Variants in NDUFS4 observed in about 807,000 individuals in gnomAD.
The protein encoded by NDUFS4 is NADH:ubiquinone oxidoreductase subunit S4.
In NDUFS4, 28 loss-of-function variants were observed where a neutral mutation model predicts 24.3. The ratio of observed to expected loss-of-function variants is 1.15; its 90% CI spans 0.85 to 1.58. The LOEUF is 1.58. Among genes scored for constraint, NDUFS4 ranks in the 40% most tolerant of loss-of-function variants. The pLI, the probability that NDUFS4 is intolerant of heterozygous loss-of-function variation, is 0.00. For missense variants in NDUFS4, 223 were observed against 207.9 expected (o/e 1.07, Z -0.45); for synonymous variants, 93 against 69.7 (o/e 1.34, Z -1.67).
In NDUFS4 at chr5:53,682,205, G is replaced by A. The variant is rs149749880; in HGVS notation, c.425-913G>A. Among the ~76,000 whole-genome samples the A allele has an allele frequency of 1.9e-3, 293 of 152,206 alleles. 1 individual carries two copies. Among genetic ancestry groups the A allele is most frequent in the African/African-American group, 6.7e-3 (277 of 41,552 alleles). On this transcript the variant is annotated intron_variant, in intron 4 of 4. Coordinates refer to ENST00000296684, the MANE Select transcript of NDUFS4 (RefSeq NM_002495.4). ...GACTTAATTATATTTTTAAGGAGGA[G>A]GATGTTGATTTGTTTCCCATGTTTT...
chr5:53,618,129 G>A (rs190605758), intron 2 of NDUFS4, among the ~76,000 whole-genome samples: 155 of 152,050 alleles, frequency 1.0e-3, no homozygotes, highest in African/African-American at 2.1e-3. Flanking sequence ...AAAATTAGCC[G>A]AGGGTAGTGG....
At chr5:53,599,303 G>A (rs184381231) in intron 1 of NDUFS4, among the ~76,000 whole-genome samples, 37 of 152,164 alleles carry the variant, frequency 2.4e-4, no homozygotes, top group Non-Finnish European at 4.6e-4. Flanking sequence ...GGAATTGTTG[G>A]ATCATAGGAT....
intron 1 of NDUFS4, among the ~76,000 whole-genome samples, chr5:53,598,526 G>A (rs982430280): frequency 6.6e-6 from 1 of 152,100 alleles, no homozygotes; most frequent in Non-Finnish European, 1.5e-5. Context: ...AAACTTTAGA[G>A]CAACAAGTTC....
chr5:53,669,774 C>G (rs563948053), intron 4 of NDUFS4, among the ~76,000 whole-genome samples: 22 of 152,164 alleles, frequency 1.4e-4, no homozygotes, highest in African/African-American at 5.1e-4. Context: ...GAAGACAAGT[C>G]CTATTTATCT....
chr5:53,588,288 T>G (rs1204073381), intron 1 of NDUFS4, among the ~76,000 whole-genome samples: 1 of 152,224 alleles, frequency 6.6e-6, no homozygotes, highest in African/African-American at 2.4e-5. Flanking sequence ...TGGGGTTCTC[T>G]TTCCTCTCTT....
intron 2 of NDUFS4, among the ~76,000 whole-genome samples, chr5:53,634,180 AC>A (rs1751485298): frequency 1.3e-5 from 2 of 152,196 alleles, no homozygotes; most frequent in Admixed American, 1.3e-4. Flanking sequence ...TGCTAAATTG[AC>A]AAGGAATCCC....
At chr5:53,603,252 C>T (rs1750384224) in intron 1 of NDUFS4, among the ~76,000 whole-genome samples, 200 bp from the exon 2 acceptor site, 1 of 151,630 alleles carries the variant, frequency 6.6e-6, no homozygotes, top group African/African-American at 2.4e-5. Context: ...TGTGAACTGT[C>T]AAGTGAGTCT....
intron 1 of NDUFS4, among the ~76,000 whole-genome samples, chr5:53,565,339 A>G (rs1480152983): frequency 2.0e-5 from 3 of 152,242 alleles, no homozygotes; most frequent in Non-Finnish European, 2.9e-5. Context: ...ACTCTATTTT[A>G]TATACACTCA....
At chr5:53,661,359 T>C (rs2112525728) in intron 4 of NDUFS4, among the ~76,000 whole-genome samples, 2 of 152,268 alleles carry the variant, frequency 1.3e-5, no homozygotes, top group East Asian at 3.9e-4. Context: ...CATTGGTGTA[T>C]ATCTCTGTTT....
intron 4 of NDUFS4, among the ~76,000 whole-genome samples, chr5:53,671,157 G>T (rs1740217535): frequency 6.6e-6 from 1 of 151,966 alleles, no homozygotes; most frequent in Admixed American, 6.6e-5. Flanking sequence ...TCTGTTTTCA[G>T]TTGTTAACCA....
rs551173523 is a variant in NDUFS4 at position 53,658,573 on chromosome 5, G to T, written c.373G>T (p.Val125Phe). The change falls in exon 4 of 5, where the codon GTT becomes TTT. Residue 125 changes from valine to phenylalanine, a missense_variant. Coordinates refer to ENST00000296684, the MANE Select transcript of NDUFS4 (RefSeq NM_002495.4). ...ASTADPLSNMVLTFSTKEDAV... is the reference protein window; with the variant it reads ...ASTADPLSNMFLTFSTKEDAV... ...CAGGGCTGATCCCTTATCCAACATGGTTCTAACCTTCAGTACTAAAGAAGA... is the reference window on the plus strand; with the variant it reads ...CAGGGCTGATCCCTTATCCAACATGTTTCTAACCTTCAGTACTAAAGAAGA... The T allele has an allele frequency of 1.9e-6, 3 of 1,613,312 alleles. No individual in the cohort carries two copies. In the East Asian group the frequency reaches 6.7e-5, roughly 36 times the overall value.
chr5:53,659,629 G>A (rs1369753221), intron 4 of NDUFS4, among the ~76,000 whole-genome samples: 3 of 152,090 alleles, frequency 2.0e-5, no homozygotes, highest in Non-Finnish European at 4.4e-5. Flanking sequence ...AATGTATCCT[G>A]TTATTCTAGT....
chr5:53,661,366 GT>G (rs984483370), intron 4 of NDUFS4, among the ~76,000 whole-genome samples: 1 of 152,126 alleles, frequency 6.6e-6, no homozygotes, highest in African/African-American at 2.4e-5. Flanking sequence ...GTATATCTCT[GT>G]TTTGGTACCA....
At chr5:53,577,872 C>G (rs1749435767) in intron 1 of NDUFS4, among the ~76,000 whole-genome samples, 1 of 152,060 alleles carries the variant, frequency 6.6e-6, no homozygotes, top group African/African-American at 2.4e-5. Flanking sequence ...GTATAACATC[C>G]CAGCTAACAA....
chr5:53,598,417 G>A (rs1008807393), intron 1 of NDUFS4, among the ~76,000 whole-genome samples: 5 of 152,304 alleles, frequency 3.3e-5, no homozygotes, highest in African/African-American at 9.6e-5. Flanking sequence ...TATGTGAGTT[G>A]GGTGATTCTT....
chr5:53,644,890 G>A (rs529618508), intron 2 of NDUFS4, among the ~76,000 whole-genome samples: 2 of 152,114 alleles, frequency 1.3e-5, no homozygotes, highest in South Asian at 4.2e-4. Context: ...TTAAAGAATT[G>A]GTTTTTAATC....
chr5:53,570,005 A>G (rs993222309), intron 1 of NDUFS4, among the ~76,000 whole-genome samples: 1 of 152,164 alleles, frequency 6.6e-6, no homozygotes, highest in Admixed American at 6.5e-5. Flanking sequence ...TATAAAGAAA[A>G]ATTAACTGTT....
At chr5:53,588,407 A>G (rs1293112320) in intron 1 of NDUFS4, among the ~76,000 whole-genome samples, 4 of 152,148 alleles carry the variant, frequency 2.6e-5, no homozygotes, top group African/African-American at 9.7e-5. Context: ...ATTTAATTCT[A>G]CCAGTAATTA....
intron 2 of NDUFS4, among the ~76,000 whole-genome samples, chr5:53,620,564 A>T (rs565266904): frequency 6.6e-6 from 1 of 152,310 alleles, no homozygotes; most frequent in African/African-American, 2.4e-5. Context: ...TGCTGCTGCT[A>T]CATTAGTACC....
Sources: gnomAD v4.1 joint callset for allele counts (sites outside exome capture counted in the v4.1 genomes callset) on GRCh38, gnomAD v4.1.1 for gene constraint, MANE v1.5 for transcripts, NCBI Gene and HGNC (gene_info 2026-07-23, HGNC 2026-07-21) for gene names.